CDK14: variants seen among roughly 807,000 people sequenced by gnomAD.
CDK14 encodes the protein cyclin-dependent kinase 14.
In CDK14, 34 loss-of-function variants were observed where a neutral mutation model predicts 60.7. That is an observed-to-expected ratio of 0.56 (90% CI 0.43 to 0.75). The LOEUF (loss-of-function observed/expected upper bound fraction) is 0.75, where lower values mean the gene tolerates loss of function less well. Ranked by LOEUF, CDK14 falls within the 30% of genes least tolerant of loss-of-function variation. CDK14 has a pLI of 0.00. For missense variants in CDK14, 482 were observed against 564.1 expected, an observed-to-expected ratio of 0.85 and a Z score of 1.47; for synonymous variants, 197 against 203.7, an observed-to-expected ratio of 0.97 and a Z score of 0.28.
rs531219034 is a variant in CDK14, at chr7:90,657,836, A to G, written c.123+53587A>G. ...TCACAGAATATTTAATTTTTACTAT[A>G]TGCAACAACCCTATAAGCTCCTATT... On this transcript the variant is annotated intron_variant, in intron 2 of 14. Coordinates refer to ENST00000380050, the MANE Select transcript of CDK14 (RefSeq NM_001287135.2). Among the ~76,000 whole-genome samples the G allele has an allele frequency of 2.0e-5, 3 of 152,292 alleles. No individual in the cohort carries two copies. In the East Asian group the frequency reaches 5.8e-4, roughly 29 times the overall value.
At chr7:91,147,240 G>A (rs1243166096) in intron 14 of CDK14, among the ~76,000 whole-genome samples, 1 of 150,154 alleles carries the variant, frequency 6.7e-6, no homozygotes, top group Non-Finnish European at 1.5e-5. Context: ...TTTATCACTT[G>A]GAAGAGGCAG....
At chr7:90,824,846 A>G (rs1203823156) in intron 5 of CDK14, 1 of 152,216 alleles carries the variant, frequency 6.6e-6, no homozygotes, top group African/African-American at 2.4e-5. Context: ...AATTATTGTA[A>G]TAACTTAAAA....
At chr7:90,727,318 G>A (rs1370012474) in intron 3 of CDK14, among the ~76,000 whole-genome samples, 1 of 152,080 alleles carries the variant, frequency 6.6e-6, no homozygotes, top group East Asian at 1.9e-4. Flanking sequence ...GCCCTGTACT[G>A]AATGGAAAAT....
At chr7:90,746,807 T>C (rs1423163885) in intron 3 of CDK14, among the ~76,000 whole-genome samples, 1 of 151,722 alleles carries the variant, frequency 6.6e-6, no homozygotes, top group Non-Finnish European at 1.5e-5. Flanking sequence ...GTCTTAAGAG[T>C]TGTTTTGTGG....
At chr7:90,676,467 G>A (rs1374595947) in intron 2 of CDK14, among the ~76,000 whole-genome samples, 1 of 151,892 alleles carries the variant, frequency 6.6e-6, no homozygotes, top group African/African-American at 2.4e-5. Context: ...GGGAGGAGAG[G>A]GTAGTAGGAG....
At chr7:91,019,156 TAAG>T (rs1262579907) in intron 10 of CDK14, among the ~76,000 whole-genome samples, 3 of 152,120 alleles carry the variant, frequency 2.0e-5, no homozygotes. Context: ...CTCCAATAAA[TAAG>T]AAGAATTTGC....
intron 11 of CDK14, among the ~76,000 whole-genome samples, chr7:91,077,606 C>T (rs773416828): frequency 2.6e-4 from 40 of 151,826 alleles, no homozygotes; most frequent in Non-Finnish European, 7.4e-5. Flanking sequence ...ACAAGTATAC[C>T]TACATAACAA....
intron 4 of CDK14, among the ~76,000 whole-genome samples, chr7:90,748,608 C>A (rs2116812935): frequency 6.6e-6 from 1 of 152,326 alleles, no homozygotes; most frequent in African/African-American, 2.4e-5. Flanking sequence ...TCTGAGACAG[C>A]ATTTCGCCCT....
At chr7:91,034,442 T>C (rs1420304006) in intron 10 of CDK14, among the ~76,000 whole-genome samples, 1 of 152,124 alleles carries the variant, frequency 6.6e-6, no homozygotes, top group Non-Finnish European at 1.5e-5. Context: ...AATGAGACAG[T>C]AACCTTCTAG....
At position 90,649,250 on chromosome 7, in the gene CDK14, T is replaced by G. The variant is rs1473241218; in HGVS notation, c.123+45001T>G. ...TCTAGCCTATAGTTTCTTTCTTTCT[T>G]TCTTTCTTTCTTTCTTTCTTTCTTT... On this transcript the variant is annotated intron_variant, in intron 2 of 14. Transcript: ENST00000380050. 1.6e-4 allele frequency among the ~76,000 whole-genome samples: 3 copies of G among 18,472 alleles called. No individual in the cohort carries two copies. The East Asian group carries it at 4.3e-3, about 26-fold the overall frequency. The allele number at this position is 18,472 out of a possible 152,430, so 12.1% of individuals were successfully genotyped here.
chr7:91,210,560 A>T lies in CDK14; in HGVS notation c.*3424A>T, dbSNP rs1019915496. 2 of 152,112 alleles carry T rather than the reference A, an allele frequency of 1.3e-5. No homozygotes were observed. Among genetic ancestry groups the T allele is most frequent in the Non-Finnish European group, 2.9e-5 (2 of 68,016 alleles). The allele number at this position is 152,112 out of a possible 1,614,324, so 9.4% of individuals were successfully genotyped here. A position where few individuals can be genotyped will look rare whatever the true frequency, so the allele number is the denominator to read the frequency against. On this transcript the variant is annotated 3_prime_UTR_variant, in exon 15 of 15. Coordinates refer to ENST00000380050, the MANE Select transcript of CDK14 (RefSeq NM_001287135.2). ...GTCACTGTTGTTTTCTTGTAACATG[A>T]TATGGAATAAAGTATAGCAGAATCT...
In CDK14 at chr7:90,740,225, A is replaced by T. The variant is rs576201154; in HGVS notation, c.370-7456A>T. Among the ~76,000 whole-genome samples, 21 of 150,074 alleles carry T rather than the reference A, an allele frequency of 1.4e-4. No homozygotes were observed. The East Asian group carries it at 4.1e-3, about 30-fold the overall frequency. On this transcript the variant is annotated intron_variant, in intron 3 of 14. Coordinates refer to ENST00000380050, the MANE Select transcript of CDK14 (RefSeq NM_001287135.2). ...ATATCTTTGTCCTTCATATACATATACATATATATGTGTATGTATGTGTGT... is the reference window on the plus strand; with the variant it reads ...ATATCTTTGTCCTTCATATACATATTCATATATATGTGTATGTATGTGTGT...
intron 11 of CDK14, among the ~76,000 whole-genome samples, chr7:91,061,062 C>T (rs563315085): frequency 8.5e-5 from 13 of 152,322 alleles, no homozygotes; most frequent in Non-Finnish European, 1.8e-4. Context: ...TTGATCTTTT[C>T]ACATAGTCAC....
chr7:91,065,549 G>A (rs1797949970), intron 11 of CDK14, among the ~76,000 whole-genome samples: 1 of 152,160 alleles, frequency 6.6e-6, no homozygotes. Flanking sequence ...TCTGTTCCAA[G>A]GACTATAGAT....
rs1563030139 is a variant in CDK14 at position 90,649,398 on chromosome 7, T to TTCCTTCCTTCC, written c.123+45150_123+45151insCCTTCCTTCCT. On this transcript the variant is annotated intron_variant, in intron 2 of 14. Coordinates refer to ENST00000380050, the MANE Select transcript of CDK14 (RefSeq NM_001287135.2). Reference sequence around the variant, plus strand: ...CCTTCCTTCCTTCCTTCCTTCCTTCTTTCTTTCTTTCTTTCTTTCTTTCCT... The same window carrying TTCCTTCCTTCC: ...CCTTCCTTCCTTCCTTCCTTCCTTCTTCCTTCCTTCCTTCTTTCTTTCTTTCTTTCTTTCCT... Among the ~76,000 whole-genome samples, 30 of 36,376 alleles carry TTCCTTCCTTCC rather than the reference T, an allele frequency of 8.2e-4. 5 individuals are homozygous for TTCCTTCCTTCC. Among genetic ancestry groups the TTCCTTCCTTCC allele is most frequent in the African/African-American group, 1.8e-3 (13 of 7,054 alleles). The allele number at this position is 36,376 out of a possible 152,430, so 23.9% of individuals were successfully genotyped here. A position where few individuals can be genotyped will look rare whatever the true frequency, so the allele number is the denominator to read the frequency against.
At position 90,596,660 on chromosome 7, in the gene CDK14, G is replaced by A; in HGVS notation, c.33G>A (p.Glu11=). Residue 11 remains glutamate, a synonymous_variant, in exon 1 of 15, where the codon GAG becomes GAA. Transcript: ENST00000380050. ...ACCTCATTGAGCCGCAGCCGGCCGA[G>A]AAGATCGGCAAGATGAAGAAGTTGC... The part of the protein sequence containing the change: MCDLIEPQPA[E]KIGKMKKLRR... 1 of 1,612,282 alleles carries A rather than the reference G, an allele frequency of 6.2e-7. No homozygotes were observed. Among genetic ancestry groups the A allele is most frequent in the South Asian group, 1.1e-5 (1 of 91,080 alleles).
intron 2 of CDK14, among the ~76,000 whole-genome samples, chr7:90,692,017 A>G (rs969699558): frequency 7.9e-5 from 12 of 152,184 alleles, no homozygotes; most frequent in Non-Finnish European, 1.5e-4. Flanking sequence ...TGCATTTTCT[A>G]CATACATAAG....
chr7:90,649,284 CTTTCTTTCTTTCTTTCTTTCTTTCT>C (rs1800542460), intron 2 of CDK14, among the ~76,000 whole-genome samples: 2 of 60,114 alleles, frequency 3.3e-5, no homozygotes, highest in Non-Finnish European at 5.9e-5. Context: ...TTCTTTCTTT[CTTTCTTTCTTTCTTTCTTTCTTTCT>C]TTCCTTCCTT....
At chr7:90,857,874 C>CT (rs1790876959) in intron 5 of CDK14, among the ~76,000 whole-genome samples, 1 of 152,190 alleles carries the variant, frequency 6.6e-6, no homozygotes, top group Non-Finnish European at 1.5e-5. Flanking sequence ...TCATGTCTGT[C>CT]ACCTACCGTG....
Sources: allele counts gnomAD v4.1 joint callset (sites outside exome capture counted in the v4.1 genomes callset), GRCh38; gene constraint gnomAD v4.1.1; transcripts MANE v1.5; gene names NCBI Gene and HGNC (gene_info 2026-07-23, HGNC 2026-07-21).